The following UGT1A5 variants were observed in gnomAD, a reference collection of about 807,000 sequenced individuals.
The protein encoded by UGT1A5 is UDP glucuronosyltransferase family 1 member A5.
Under a neutral mutation model 40.3 loss-of-function variants are expected in UGT1A5, and 29 were observed. That is an observed-to-expected ratio of 0.72 (90% CI 0.54 to 0.98). The LOEUF (loss-of-function observed/expected upper bound fraction) is 0.98. Among genes scored for constraint, UGT1A5 ranks in the 50% least tolerant of loss-of-function variants. UGT1A5 has a pLI of 0.00. For synonymous variants in UGT1A5, 257 were observed against 262.5 expected, an observed-to-expected ratio of 0.98 and a Z score of 0.20; for missense variants, 678 against 677.9, an observed-to-expected ratio of 1.00 and a Z score of 0.00.
At chr2:233,729,021 C>T (rs575781595) in intron 1 of UGT1A5, 130 of 1,593,082 alleles carry the variant, frequency 8.2e-5, no homozygotes, top group Non-Finnish European at 1.0e-4. Context: ...TCCAATTACA[C>T]GTTGATTTGC....
chr2:233,725,083 A>C (rs2077363375), intron 1 of UGT1A5, among the ~76,000 whole-genome samples: 1 of 145,276 alleles, frequency 6.9e-6, no homozygotes, highest in African/African-American at 2.6e-5. Flanking sequence ...GGCACTCGGC[A>C]GGCTGAGGCA....
At chr2:233,743,379 G>A (rs553930129) in intron 1 of UGT1A5, 50 of 1,176,986 alleles carry the variant, frequency 4.2e-5, no homozygotes, top group South Asian at 3.5e-4. Flanking sequence ...CATCACTACC[G>A]TAGGACATGC....
At chr2:233,742,273 A>C (rs1691925901) in intron 1 of UGT1A5, among the ~76,000 whole-genome samples, 1 of 151,986 alleles carries the variant, frequency 6.6e-6, no homozygotes, top group Non-Finnish European at 1.5e-5. Context: ...AGCCTGTGAT[A>C]AGCATCATTT....
In UGT1A5 at chr2:233,725,175, T is replaced by TG. The variant is rs1374547834; in HGVS notation, c.867+11321dup. On this transcript the variant is annotated intron_variant, in intron 1 of 4. Transcript: ENST00000373414. ...TCGGCTCTGCATGAGAGGGAGACCG[T>TG]GGGGAGAGGCAGAGGCAGAGGCAGA... Among the ~76,000 whole-genome samples the TG allele has an allele frequency of 1.3e-4, 11 of 81,994 alleles. 2 individuals are homozygous for TG. In the East Asian group the frequency reaches 2.4e-3, roughly 18 times the overall value. 53.8% of individuals were successfully genotyped at this position (81,994 alleles called of 152,430 possible). A position where few individuals can be genotyped will look rare whatever the true frequency, so the allele number is the denominator to read the frequency against.
chr2:233,757,535 A>AATAT (rs67292694), intron 1 of UGT1A5, among the ~76,000 whole-genome samples: 4,411 of 88,266 alleles, frequency 0.05, 328 homozygotes, highest in Non-Finnish European at 0.062. Context: ...GCCTGTAAGG[A>AATAT]ATATATATAT....
chr2:233,713,150 G>C lies in UGT1A5; in HGVS notation c.159G>C (p.Ala53=), dbSNP rs190570057. Residue 53 remains alanine (A), a synonymous_variant, in exon 1 of 5, where the codon GCG becomes GCC. Transcript: ENST00000373414. Reference sequence around the variant, plus strand: ...GGGAGGCCTTGCGGGACCTCCATGCGAGAGGCCACCAGGTGGTGGTCCTCA... The same window carrying C: ...GGGAGGCCTTGCGGGACCTCCATGCCAGAGGCCACCAGGTGGTGGTCCTCA... ...SMREALRDLH[A]RGHQVVVLTL... is the part of the protein sequence containing the mutation. 5.1e-5 allele frequency: 82 copies of C among 1,614,120 alleles called. No homozygotes were observed. The highest frequency in any genetic ancestry group is 6.3e-5 in the Non-Finnish European group (74 of 1,180,052).
chr2:233,740,535 G>A (rs566003594), intron 1 of UGT1A5, among the ~76,000 whole-genome samples: 2 of 151,952 alleles, frequency 1.3e-5, no homozygotes, highest in South Asian at 2.1e-4. Context: ...CAGCTGTGTT[G>A]AACTCCAGCC....
At chr2:233,728,976 T>C in intron 1 of UGT1A5, 1 of 1,491,464 alleles carries the variant, frequency 6.7e-7, no homozygotes, top group Non-Finnish European at 9.0e-7. Context: ...GATAGATTAA[T>C]GGTTAATAAT....
chr2:233,729,658 T>C (rs375249430), intron 1 of UGT1A5: 278 of 1,613,792 alleles, frequency 1.7e-4, no homozygotes, highest in Non-Finnish European at 2.3e-4. Flanking sequence ...GAACATTCCA[T>C]GTGATTTAGA....
chr2:233,741,020 G>A (rs946824154), intron 1 of UGT1A5: 9 of 151,702 alleles, frequency 5.9e-5, no homozygotes, highest in Admixed American at 3.3e-4. Context: ...CCAGGAATTC[G>A]TGGTTACAGT....
intron 1 of UGT1A5, chr2:233,755,386 C>T (rs879759511): frequency 8.4e-5 from 29 of 346,256 alleles, no homozygotes; most frequent in South Asian, 2.1e-4. Flanking sequence ...CCCCTTATGA[C>T]GCAGCCACAT....
chr2:233,754,495 A>T, intron 1 of UGT1A5: 1 of 357,368 alleles, frequency 2.8e-6, no homozygotes, highest in Non-Finnish European at 5.5e-6. Context: ...TCCTAAAAAA[A>T]GTCCGCTATT....
In UGT1A5 at chr2:233,767,938, T is replaced by G. The variant is rs779261748; in HGVS notation, c.1087+2T>G. The G allele has an allele frequency of 6.2e-7, 1 of 1,614,194 alleles. No individual in the cohort carries two copies. Among genetic ancestry groups the G allele is most frequent in the South Asian group, 1.1e-5 (1 of 91,090 alleles). ...GGCTACCCCAAAACGATCTGCTTGG[T>G]ATGTTGGGCGGATTGGATGTATAGG... On this transcript the variant is annotated splice_donor_variant, in intron 3 of 4. Transcript: ENST00000373414. LOFTEE classifies it high-confidence loss of function.
rs28898606 is a variant in UGT1A5, at chr2:233,716,997, G to A, written c.867+3139G>A. Among the ~76,000 whole-genome samples, 1,356 of 152,258 alleles carry A rather than the reference G, an allele frequency of 8.9e-3. 31 individuals carry two copies. The highest frequency in any genetic ancestry group is 0.031 in the African/African-American group (1,268 of 41,526). On this transcript the variant is annotated intron_variant, in intron 1 of 4. Coordinates refer to ENST00000373414, the MANE Select transcript of UGT1A5 (RefSeq NM_019078.2). Reference sequence around the variant, plus strand: ...TCCCCACAGTCCTGCTGTCCTCAGGGCCCCTATGTCTCTGAAGGCACCACC... The same window carrying A: ...TCCCCACAGTCCTGCTGTCCTCAGGACCCCTATGTCTCTGAAGGCACCACC...
At chr2:233,730,348 T>A (rs2078018262) in intron 1 of UGT1A5, among the ~76,000 whole-genome samples, 1 of 152,216 alleles carries the variant, frequency 6.6e-6, no homozygotes, top group Non-Finnish European at 1.5e-5. Flanking sequence ...TGATCCATCC[T>A]GGATTTTTTG....
Position 233,760,677 on chromosome 2 carries a change from A to T in UGT1A5, c.868-6357A>T, listed in dbSNP as rs555950591. 1.9e-6 allele frequency: 3 copies of T among 1,614,148 alleles called. No individual in the cohort carries two copies. The African/African-American group carries it at 4.0e-5, about 22-fold the overall frequency. On this transcript the variant is annotated intron_variant, in intron 1 of 4. Transcript: ENST00000373414. ...TGCTTTTGTCTGGCTGTTCCCACTT[A>T]CTGCACAACAAGGAGCTCATGGCCT...
rs1314129216 is a variant in UGT1A5, at chr2:233,719,046, A to T, written c.867+5188A>T. ...GCACATCAAAGAAGAGAAATTTTTC[A>T]CCCTGACAGCCTATGCTGTTCCATG... On this transcript the variant is annotated intron_variant, in intron 1 of 4. Coordinates refer to ENST00000373414, the MANE Select transcript of UGT1A5 (RefSeq NM_019078.2). 6.2e-7 allele frequency: 1 copy of T among 1,614,250 alleles called. No individual in the cohort carries two copies. Among genetic ancestry groups the T allele is most frequent in the Non-Finnish European group, 8.5e-7 (1 of 1,180,040 alleles).
At chr2:233,760,762 A>G in intron 1 of UGT1A5, 9 of 1,614,056 alleles carry the variant, frequency 5.6e-6, no homozygotes, top group Non-Finnish European at 7.6e-6. Flanking sequence ...TTGCAGCCCC[A>G]TCGTGGCCCA....
At position 233,767,069 on chromosome 2, in the gene UGT1A5, T is replaced by C. The variant is rs778321344; in HGVS notation, c.903T>C (p.His301=). 42 of 1,614,040 alleles carry C rather than the reference T, an allele frequency of 2.6e-5. No homozygotes were observed. The highest frequency in any genetic ancestry group is 3.4e-5 in the Non-Finnish European group (40 of 1,180,020). The change falls in exon 2 of 5, where the codon CAT becomes CAC. Residue 301 remains histidine, a synonymous_variant. Transcript: ENST00000373414. ...CCTACATTAATGCTTCTGGAGAACA[T>C]GGAATTGTGGTTTTCTCTTTGGGAT... is the stretch of plus-strand genomic sequence containing the variant. ...FEAYINASGE[H]GIVVFSLGSM...
Sources: gnomAD v4.1 joint callset for allele counts (sites outside exome capture counted in the v4.1 genomes callset) on GRCh38, gnomAD v4.1.1 for gene constraint, MANE v1.5 for transcripts, NCBI Gene and HGNC (gene_info 2026-07-23, HGNC 2026-07-21) for gene names.